HMCN1: variants seen among roughly 807,000 people sequenced by gnomAD.
The protein encoded by HMCN1 is hemicentin 1.
HMCN1 carries 321 observed loss-of-function variants against 625.9 expected under a neutral mutation model. That is an observed-to-expected ratio of 0.51 (90% CI 0.47 to 0.56). The LOEUF (loss-of-function observed/expected upper bound fraction) is 0.56. Among genes scored for constraint, HMCN1 ranks in the 20% least tolerant of loss-of-function variants. The pLI, the probability that HMCN1 is intolerant of heterozygous loss-of-function variation, is 0.00. For missense variants in HMCN1, 6,588 were observed against 6,887.3 expected (o/e 0.96, Z 1.54); for synonymous variants, 2,425 against 2,417.6 (o/e 1.00, Z -0.09).
At chr1:186,080,687 A>G (rs1659115412) in intron 55 of HMCN1, among the ~76,000 whole-genome samples, 1 of 152,210 alleles carries the variant, frequency 6.6e-6, no homozygotes, top group Non-Finnish European at 1.5e-5. Context: ...AAGCTCGCAG[A>G]TGATGCTGAT....
chr1:185,827,527 A>C (rs180727450), intron 1 of HMCN1, among the ~76,000 whole-genome samples: 4 of 152,164 alleles, frequency 2.6e-5, no homozygotes, highest in Admixed American at 1.3e-4. Flanking sequence ...AATATAGCAA[A>C]GACCTTGAGA....
intron 1 of HMCN1, among the ~76,000 whole-genome samples, chr1:185,824,734 A>G (rs925839788): frequency 6.6e-6 from 1 of 152,170 alleles, no homozygotes; most frequent in Non-Finnish European, 1.5e-5. Flanking sequence ...AGATAAAGAA[A>G]CTGAGGTTCA....
At chr1:185,929,282 G>A (rs1342137645) in intron 10 of HMCN1, among the ~76,000 whole-genome samples, 2 of 152,082 alleles carry the variant, frequency 1.3e-5, no homozygotes, top group Admixed American at 6.6e-5. Context: ...TTCGCACTAA[G>A]ACGGGCAGAA....
rs765186725 is a variant in HMCN1 at position 185,933,770 on chromosome 1, A to G, written c.1774A>G (p.Met592Val). The G allele has an allele frequency of 4.3e-6, 7 of 1,613,964 alleles. No individual in the cohort carries two copies. Among genetic ancestry groups the G allele is most frequent in the Non-Finnish European group, 5.1e-6 (6 of 1,179,842 alleles). Residue 592 changes from methionine (M) to valine (V), a missense_variant, in exon 11 of 107, where the codon ATG (methionine) becomes GTG (valine). Around this residue, in one of 3 missense-constraint regions of HMCN1, gnomAD observed 4,628 missense variants for 4,853.1 expected, o/e 0.95. Transcript: ENST00000271588. ...KFNDAGEYHC[M>V]VSSEGGSSAA... ...CAACGATGCTGGAGAGTATCATTGTATGGTTTCTAGTGAAGGTGGATCATC... is the reference window on the plus strand; with the variant it reads ...CAACGATGCTGGAGAGTATCATTGTGTGGTTTCTAGTGAAGGTGGATCATC...
intron 6 of HMCN1, among the ~76,000 whole-genome samples, chr1:185,914,760 A>G (rs987233052): frequency 1.3e-5 from 2 of 151,192 alleles, no homozygotes; most frequent in African/African-American, 4.9e-5. Context: ...CTGGCTTTCT[A>G]TTAAATTTTT....
chr1:186,078,050 A>T, intron 54 of HMCN1, 57 bp from the exon 55 acceptor site: 1 of 1,291,752 alleles, frequency 7.7e-7, no homozygotes, highest in Non-Finnish European at 1.1e-6. Flanking sequence ...GTATCTGTTT[A>T]TGGCTTGTGT....
At chr1:185,960,022 T>C (rs1649895721) in intron 11 of HMCN1, among the ~76,000 whole-genome samples, 1 of 152,158 alleles carries the variant, frequency 6.6e-6, no homozygotes, top group African/African-American at 2.4e-5. Flanking sequence ...AAGTAAAGTC[T>C]AATTCATTTT....
intron 1 of HMCN1, among the ~76,000 whole-genome samples, chr1:185,779,584 G>C (rs956074456): frequency 5.9e-5 from 9 of 151,824 alleles, no homozygotes; most frequent in South Asian, 2.1e-4. Context: ...GTTTTCCCAG[G>C]ACCATTTATT....
chr1:186,148,481 T>C (rs985542097), intron 93 of HMCN1, among the ~76,000 whole-genome samples: 1 of 152,184 alleles, frequency 6.6e-6, no homozygotes, highest in Admixed American at 6.6e-5. Flanking sequence ...GGAATCACTA[T>C]GGTAGTTATA....
chr1:185,759,346 G>A (rs1276640864), intron 1 of HMCN1, among the ~76,000 whole-genome samples: 4 of 152,198 alleles, frequency 2.6e-5, no homozygotes, highest in African/African-American at 7.2e-5. Flanking sequence ...ATGTTAAGAC[G>A]GGGACATTTT....
chr1:186,166,300 C>T lies in HMCN1; in HGVS notation c.15436C>T (p.Gln5146Ter). Residue 5146 changes from glutamine (Q) to a stop codon, truncating the protein, a stop_gained, in exon 99 of 107, where the codon CAA (glutamine) becomes TAA (stop). Coordinates refer to ENST00000271588, the MANE Select transcript of HMCN1 (RefSeq NM_031935.3). LOFTEE classifies it high-confidence loss of function. ...CATAGCTGCAGATGGAAGAACTTGTCAAGGTATTCACAAATCTAATACACA... is the reference window on the plus strand; with the variant it reads ...CATAGCTGCAGATGGAAGAACTTGTTAAGGTATTCACAAATCTAATACACA... ...LTIAADGRTCQDIDECALGRH... is the reference protein window; with the variant it reads ...LTIAADGRTC 1 of 1,614,082 alleles carries T rather than the reference C, an allele frequency of 6.2e-7. No homozygotes were observed. Among genetic ancestry groups the T allele is most frequent in the Non-Finnish European group, 8.5e-7 (1 of 1,179,990 alleles).
chr1:185,926,810 G>T (rs2102483904), intron 9 of HMCN1, among the ~76,000 whole-genome samples: 1 of 152,248 alleles, frequency 6.6e-6, no homozygotes, highest in Admixed American at 6.5e-5. Context: ...GGTCACCAGG[G>T]GATGTAAGAG....
At chr1:186,169,170 A>C (rs568193980) in intron 100 of HMCN1, among the ~76,000 whole-genome samples, 1 of 152,310 alleles carries the variant, frequency 6.6e-6, no homozygotes, top group African/African-American at 2.4e-5. Flanking sequence ...CTCTTCAAGG[A>C]GAACTACAAA....
At chr1:185,787,966 A>C (rs1308889651) in intron 1 of HMCN1, among the ~76,000 whole-genome samples, 7 of 152,246 alleles carry the variant, frequency 4.6e-5, no homozygotes, top group Non-Finnish European at 7.4e-5. Flanking sequence ...TATATACCAA[A>C]TCTTTATCTT....
In HMCN1 at chr1:185,933,646, T is replaced by A. The variant is rs1165651997; in HGVS notation, c.1650T>A (p.Asn550Lys). ...TCLIISAVDY[N>K]LTWQRNDRDV... is the part of the protein sequence containing the mutation. ...TCATCATCAGTGCGGTGGATTACAATCTAACCTGGCAGAGGAATGACAGAG... is the reference window on the plus strand; with the variant it reads ...TCATCATCAGTGCGGTGGATTACAAACTAACCTGGCAGAGGAATGACAGAG... Residue 550 changes from asparagine (N) to lysine (K), a missense_variant, in exon 11 of 107, where the codon AAT becomes AAA. Physicochemically the swap from Asn to Lys is moderately conservative, Grantham distance 94. Around this residue, in one of 3 missense-constraint regions of HMCN1, gnomAD observed 4,628 missense variants for 4,853.1 expected, o/e 0.95. Coordinates refer to ENST00000271588, the MANE Select transcript of HMCN1 (RefSeq NM_031935.3). 1 of 1,613,998 alleles carries A rather than the reference T, an allele frequency of 6.2e-7. No homozygotes were observed.
intron 1 of HMCN1, among the ~76,000 whole-genome samples, chr1:185,738,224 G>A (rs928003932): frequency 6.6e-6 from 1 of 152,098 alleles, no homozygotes; most frequent in Admixed American, 6.5e-5. Context: ...TTCACAGATA[G>A]GTGCAAATGT....
chr1:186,139,284 G>T (rs940555328), intron 89 of HMCN1, among the ~76,000 whole-genome samples: 1 of 152,192 alleles, frequency 6.6e-6, no homozygotes, highest in Admixed American at 6.5e-5. Flanking sequence ...TTTGCAATTC[G>T]GAACTTTGAT....
intron 1 of HMCN1, among the ~76,000 whole-genome samples, chr1:185,757,913 A>T (rs550226989): frequency 3.9e-5 from 6 of 152,198 alleles, no homozygotes; most frequent in African/African-American, 1.2e-4. Flanking sequence ...ATTCATAGAT[A>T]CTCTTATATA....
chr1:185,970,009 A>G (rs1650698270), intron 14 of HMCN1, among the ~76,000 whole-genome samples: 1 of 152,202 alleles, frequency 6.6e-6, no homozygotes, highest in African/African-American at 2.4e-5. Flanking sequence ...AAGATGGTAG[A>G]AACTTCCTTT....
Sources: allele counts gnomAD v4.1 joint callset (sites outside exome capture counted in the v4.1 genomes callset), GRCh38; gene constraint gnomAD v4.1.1; regional missense constraint gnomAD v4.1.1; transcripts MANE v1.5; gene names NCBI Gene and HGNC (gene_info 2026-07-23, HGNC 2026-07-21).